The following CEP43 variants were observed in gnomAD, a reference collection of about 807,000 sequenced individuals.
CEP43 encodes centrosomal protein 43.
CEP43 carries 36 observed loss-of-function variants against 52.6 expected under a neutral mutation model. That is an observed-to-expected ratio of 0.68 (90% confidence interval 0.52 to 0.90). The LOEUF (loss-of-function observed/expected upper bound fraction) is 0.90. Ranked by LOEUF, CEP43 falls within the 40% of genes least tolerant of loss-of-function variation. CEP43 has a pLI of 0.00. For synonymous variants in CEP43, 192 were observed against 172.4 expected (o/e 1.11, Z -0.89); for missense variants, 506 against 472.8 (o/e 1.07, Z -0.65).
intron 2 of CEP43, among the ~76,000 whole-genome samples, chr6:167,002,397 T>G (rs893707390): frequency 6.6e-6 from 1 of 152,228 alleles, no homozygotes; most frequent in Non-Finnish European, 1.5e-5. Flanking sequence ...TTAGGCTGTT[T>G]CCAGTTTTTG....
chr6:167,012,864 T>G (rs1780015782), intron 6 of CEP43, among the ~76,000 whole-genome samples: 1 of 152,214 alleles, frequency 6.6e-6, no homozygotes, highest in Admixed American at 6.5e-5. Context: ...TATTCTAGTT[T>G]AGTCTCCGTT....
chr6:167,004,457 G>A, intron 5 of CEP43, 56 bp downstream of exon 5: 4 of 1,504,484 alleles, frequency 2.7e-6, no homozygotes, highest in South Asian at 1.3e-5. Context: ...GCTTAGTTTA[G>A]CCATGCAGAT....
intron 7 of CEP43, among the ~76,000 whole-genome samples, chr6:167,015,772 AC>A (rs1340446175): frequency 4.6e-5 from 7 of 151,930 alleles, no homozygotes; most frequent in Admixed American, 2.0e-4. Context: ...ACTTAAAAAA[AC>A]ATTCATATGT....
rs1334787391 is a variant in CEP43, at chr6:167,040,800, A to C, written c.*822A>C. The C allele has an allele frequency of 9.8e-7, 1 of 1,018,430 alleles. No homozygotes were observed. Among genetic ancestry groups the C allele is most frequent in the African/African-American group, 1.7e-5 (1 of 58,668 alleles). The allele number at this position is 1,018,430 out of a possible 1,614,324, so 63.1% of individuals were successfully genotyped here. ...TGCTTTTATTTCAGATCTGTAAGTT[A>C]ATTGTATTAAAATCCAAATTGGAAT... On this transcript the variant is annotated 3_prime_UTR_variant, in exon 13 of 13. Coordinates refer to ENST00000366847, the MANE Select transcript of CEP43 (RefSeq NM_007045.4).
chr6:167,019,918 T>C (rs1020868134), intron 7 of CEP43, among the ~76,000 whole-genome samples: 1 of 152,286 alleles, frequency 6.6e-6, no homozygotes, highest in Non-Finnish European at 1.5e-5. Context: ...GTTTCTGTCA[T>C]GCCAGTTATT....
chr6:167,000,065 A>G lies in CEP43; in HGVS notation c.108A>G (p.Glu36=). 6.2e-7 allele frequency: 1 copy of G among 1,611,806 alleles called. No individual in the cohort carries two copies. The highest frequency in any genetic ancestry group is 8.5e-7 in the Non-Finnish European group (1 of 1,178,532). ...TTTCTTAACTTTTTTTTAAGGCTGAACTCCGAGCAGCTGTGTTTTTAGCAC... is the reference window on the plus strand; with the variant it reads ...TTTCTTAACTTTTTTTTAAGGCTGAGCTCCGAGCAGCTGTGTTTTTAGCAC... ...NSGVLNRIKA[E]LRAAVFLALE... is the part of the protein sequence containing the mutation. The change falls in exon 2 of 13, where the codon GAA becomes GAG. Residue 36 remains glutamate (E), a synonymous_variant. Transcript: ENST00000366847.
chr6:167,032,576 T>C (rs1202571241), intron 10 of CEP43, 27 bp from the exon 11 acceptor site: 16 of 1,552,294 alleles, frequency 1.0e-5, no homozygotes, highest in Non-Finnish European at 1.4e-5. Context: ...ACATTAGATA[T>C]AACATATCTT....
intron 10 of CEP43, among the ~76,000 whole-genome samples, chr6:167,029,914 C>T (rs6456146): frequency 0.42 from 63,895 of 152,048 alleles, 13,660 homozygotes; most frequent in Non-Finnish European, 0.47. Context: ...GTGGGGAGAA[C>T]TACAAAGAAC....
At chr6:167,022,892 A>C (rs989715245) in intron 8 of CEP43, among the ~76,000 whole-genome samples, 7 of 152,050 alleles carry the variant, frequency 4.6e-5, no homozygotes, top group Non-Finnish European at 1.0e-4. Flanking sequence ...GGGGTGCAGC[A>C]ATGATAGAAG....
At chr6:167,028,208 C>T in intron 10 of CEP43, 2 of 985,352 alleles carry the variant, frequency 2.0e-6, no homozygotes, top group Non-Finnish European at 1.2e-6. Flanking sequence ...TAGCTTTTTT[C>T]TCTGACTGCT....
chr6:167,040,155 A>G lies in CEP43; in HGVS notation c.*177A>G, dbSNP rs564074736. On this transcript the variant is annotated 3_prime_UTR_variant, in exon 13 of 13. Coordinates refer to ENST00000366847, the MANE Select transcript of CEP43 (RefSeq NM_007045.4). ...CATTTTACTAAACAAAATACTTCCT[A>G]TTTGAGCCCATGTGTGGAAGATTTA... 1.5e-4 allele frequency: 228 copies of G among 1,538,426 alleles called. 2 individuals carry two copies. In the South Asian group the frequency reaches 2.2e-3, roughly 15 times the overall value.
At chr6:167,018,285 G>C (rs1195544236) in intron 7 of CEP43, among the ~76,000 whole-genome samples, 1 of 152,146 alleles carries the variant, frequency 6.6e-6, no homozygotes, top group Non-Finnish European at 1.5e-5. Context: ...CTGAAGTACT[G>C]GGAGTTAGGG....
At chr6:167,009,616 G>T (rs1033586723) in intron 5 of CEP43, among the ~76,000 whole-genome samples, 11 of 141,002 alleles carry the variant, frequency 7.8e-5, no homozygotes, top group Non-Finnish European at 1.4e-4. Flanking sequence ...AGTAAGCCAA[G>T]ATCTCGCCAT....
intron 2 of CEP43, among the ~76,000 whole-genome samples, chr6:167,002,186 C>T (rs1779752002): frequency 6.6e-6 from 1 of 152,054 alleles, no homozygotes; most frequent in Admixed American, 6.6e-5. Context: ...TCCTTGTGCC[C>T]CTTATGTAAC....
At chr6:167,024,482 G>A (rs1780308792) in intron 8 of CEP43, among the ~76,000 whole-genome samples, 1 of 152,066 alleles carries the variant, frequency 6.6e-6, no homozygotes, top group Non-Finnish European at 1.5e-5. Context: ...GCATGTCTGG[G>A]TAATGGAAAA....
intron 7 of CEP43, among the ~76,000 whole-genome samples, chr6:167,020,270 A>G (rs2128663253): frequency 6.6e-6 from 1 of 152,380 alleles, no homozygotes; most frequent in South Asian, 2.1e-4. Context: ...TATATTAATA[A>G]CATGGAATGT....
chr6:167,013,361 C>CA (rs1194934371), intron 6 of CEP43, 147 bp from the exon 7 acceptor site: 4 of 590,654 alleles, frequency 6.8e-6, no homozygotes, highest in Non-Finnish European at 1.2e-5. Context: ...AAGAAAGGAC[C>CA]AAAAAAAGCA....
intron 5 of CEP43, among the ~76,000 whole-genome samples, chr6:167,004,867 G>T (rs73026206): frequency 0.02 from 3,087 of 152,262 alleles, 53 homozygotes; most frequent in East Asian, 0.091. Context: ...GGACTTAAAG[G>T]CCTCTTTAGG....
At position 167,051,220 on chromosome 6, in the gene CEP43, A is replaced by G. The variant is rs1484536356; in HGVS notation, c.*11242A>G. The G allele has an allele frequency of 6.6e-6, 1 of 152,216 alleles. No individual in the cohort carries two copies. The highest frequency in any genetic ancestry group is 1.5e-5 in the Non-Finnish European group (1 of 68,030). The allele number at this position is 152,216 out of a possible 1,614,324, so 9.4% of individuals were successfully genotyped here. Reference sequence around the variant, plus strand: ...TCAAGTTATTTATAGTAATTGGGAAAGTTGCAAATCTTGTGACCTCTGTAG... The same window carrying G: ...TCAAGTTATTTATAGTAATTGGGAAGGTTGCAAATCTTGTGACCTCTGTAG... On this transcript the variant is annotated 3_prime_UTR_variant, in exon 13 of 13. Coordinates refer to ENST00000366847, the MANE Select transcript of CEP43 (RefSeq NM_007045.4).
Sources: gnomAD v4.1 joint callset for allele counts (sites outside exome capture counted in the v4.1 genomes callset) on GRCh38, gnomAD v4.1.1 for gene constraint, MANE v1.5 for transcripts, NCBI Gene and HGNC (gene_info 2026-07-23, HGNC 2026-07-21) for gene names.